BCAS3: variants seen among roughly 807,000 people sequenced by gnomAD.
BCAS3 encodes the protein BCAS3 microtubule associated cell migration factor.
BCAS3 carries 53 observed loss-of-function variants against 116.1 expected under a neutral mutation model. That is an observed-to-expected ratio of 0.46 (90% CI 0.37 to 0.57). The LOEUF (loss-of-function observed/expected upper bound fraction) is 0.57, where lower values mean the gene tolerates loss of function less well. Among genes scored for constraint, BCAS3 ranks in the 20% least tolerant of loss-of-function variants. The probability of loss-of-function intolerance (pLI) is 0.00; values close to 1 mark genes in which losing one functional copy is unlikely to be tolerated. For missense variants in BCAS3, 917 were observed against 1,165.4 expected (o/e 0.79, Z 3.10); for synonymous variants, 391 against 408.2 (o/e 0.96, Z 0.51).
rs894451615 is a variant in BCAS3 at position 61,095,331 on chromosome 17, A to G, written c.2425+10767A>G. On this transcript the variant is annotated intron_variant, in intron 22 of 23. Transcript: ENST00000407086. The surrounding 1 kb of genome is among the most constrained non-coding windows in gnomAD (Gnocchi z 4.7). ...CTTTCTGTTTAGAAAATATTTTTATATAGAATGTAATTGATATTTCTACAT... is the reference window on the plus strand; with the variant it reads ...CTTTCTGTTTAGAAAATATTTTTATGTAGAATGTAATTGATATTTCTACAT... Among the ~76,000 whole-genome samples the G allele has an allele frequency of 1.8e-4, 28 of 152,344 alleles. No homozygotes were observed. The highest frequency in any genetic ancestry group is 6.3e-4 in the African/African-American group (26 of 41,592).
chr17:60,863,769 C>T (rs1349073996), intron 7 of BCAS3, among the ~76,000 whole-genome samples: 1 of 151,954 alleles, frequency 6.6e-6, no homozygotes, highest in Non-Finnish European at 1.5e-5. Flanking sequence ...GGTATGTTTA[C>T]ACTATACTAT....
At chr17:61,062,326 C>T (rs2070141236) in intron 19 of BCAS3, among the ~76,000 whole-genome samples, 2 of 152,124 alleles carry the variant, frequency 1.3e-5, no homozygotes, top group Admixed American at 6.5e-5. Context: ...TTCTATACTC[C>T]TGTAAAGGTA....
intron 7 of BCAS3, among the ~76,000 whole-genome samples, chr17:60,845,810 TCTTTCA>T (rs2052471410): frequency 6.6e-6 from 1 of 151,096 alleles, no homozygotes; most frequent in African/African-American, 2.4e-5. Flanking sequence ...TCTCTCTCTC[TCTTTCA>T]CAAAGTCTCA....
chr17:61,045,861 A>C lies in BCAS3; in HGVS notation c.2029+4969A>C, dbSNP rs1427335559. Among the ~76,000 whole-genome samples, 49 of 6,194 alleles carry C rather than the reference A, an allele frequency of 7.9e-3. 3 individuals carry two copies. Among genetic ancestry groups the C allele is most frequent in the African/African-American group, 0.055 (29 of 528 alleles). The allele number at this position is 6,194 out of a possible 152,430, so 4.1% of individuals were successfully genotyped here. A position where few individuals can be genotyped will look rare whatever the true frequency, so the allele number is the denominator to read the frequency against. ...TCTCTCTCTCTCTCTATATATATAT[A>C]TATAAATATATATAAATATATATTA... On this transcript the variant is annotated intron_variant, in intron 19 of 23. Coordinates refer to ENST00000407086, the MANE Select transcript of BCAS3 (RefSeq NM_017679.5).
At chr17:60,887,747 G>A (rs1226302713) in intron 9 of BCAS3, among the ~76,000 whole-genome samples, 3 of 152,140 alleles carry the variant, frequency 2.0e-5, no homozygotes, top group Admixed American at 1.3e-4. Flanking sequence ...GTATCACAGA[G>A]AGCAGTTCAG....
At chr17:61,202,133 A>AT (rs376323897) in intron 22 of BCAS3, among the ~76,000 whole-genome samples, 54,201 of 82,648 alleles carry the variant, frequency 0.66, 18,401 homozygotes, top group South Asian at 0.82. Context: ...AAAGGTGGTG[A>AT]TTTTTTTTTT....
intron 15 of BCAS3, among the ~76,000 whole-genome samples, chr17:61,002,395 C>G (rs948924897): frequency 2.0e-5 from 3 of 151,906 alleles, no homozygotes; most frequent in African/African-American, 7.3e-5. Context: ...TTTACATGGG[C>G]AAATCATAAA....
rs111754815 is a variant in BCAS3 at position 61,144,220 on chromosome 17, A to T, written c.2425+59656A>T. 2.3e-3 allele frequency among the ~76,000 whole-genome samples: 356 copies of T among 151,686 alleles called. 1 individual carries two copies. The highest frequency in any genetic ancestry group is 8.3e-3 in the African/African-American group (343 of 41,372). On this transcript the variant is annotated intron_variant, in intron 22 of 23. Transcript: ENST00000407086. This position sits in a 1 kb window ranked among gnomAD's most constrained non-coding sequence, Gnocchi z 5.0. ...ATTTTGGAGCATGGATTTTTTTTTT[A>T]AGGAGGGTTATAGTATCCTGAAGAC...
At chr17:61,054,412 G>T (rs2069170337) in intron 19 of BCAS3, among the ~76,000 whole-genome samples, 1 of 152,128 alleles carries the variant, frequency 6.6e-6, no homozygotes, top group South Asian at 2.1e-4. Flanking sequence ...TTGCCCCCAG[G>T]CTGGAGTGCC....
At chr17:60,872,466 A>ATATATATCTGTATG (rs201785691) in intron 8 of BCAS3, among the ~76,000 whole-genome samples, 3 of 149,976 alleles carry the variant, frequency 2.0e-5, no homozygotes, top group African/African-American at 7.4e-5. Context: ...CACACACCCC[A>ATATATATCTGTATG]TATATATCTG....
intron 22 of BCAS3, among the ~76,000 whole-genome samples, chr17:61,129,730 C>T (rs944383965): frequency 1.3e-5 from 2 of 152,202 alleles, no homozygotes; most frequent in African/African-American, 4.8e-5. Flanking sequence ...GTTTCAGAAC[C>T]ATTGTTTGAC....
chr17:60,877,558 C>T (rs2055730252), intron 9 of BCAS3, among the ~76,000 whole-genome samples: 1 of 152,146 alleles, frequency 6.6e-6, no homozygotes, highest in Admixed American at 6.6e-5. Flanking sequence ...ATACTTCCAC[C>T]TGAATTGCTG....
At chr17:61,360,722 A>T (rs1273040770) in intron 22 of BCAS3, among the ~76,000 whole-genome samples, 1 of 152,184 alleles carries the variant, frequency 6.6e-6, no homozygotes, top group South Asian at 2.1e-4. Context: ...CCTTAATTAC[A>T]TTTGCAAGGA....
chr17:60,942,639 C>T (rs890296493), intron 13 of BCAS3, among the ~76,000 whole-genome samples: 11 of 151,734 alleles, frequency 7.2e-5, no homozygotes, highest in African/African-American at 2.7e-4. Flanking sequence ...TTGGAAATAG[C>T]CAGGACAGTG....
intron 14 of BCAS3, among the ~76,000 whole-genome samples, chr17:60,953,826 C>T (rs958808629): frequency 4.0e-5 from 6 of 151,658 alleles, no homozygotes; most frequent in East Asian, 1.9e-4. Context: ...CTCTGCCTCC[C>T]GAGTTCAGGC....
At chr17:61,000,161 G>C (rs1373359050) in intron 15 of BCAS3, among the ~76,000 whole-genome samples, 1 of 151,214 alleles carries the variant, frequency 6.6e-6, no homozygotes, top group Non-Finnish European at 1.5e-5. Flanking sequence ...ACTTATAGTA[G>C]TACTATGTTG....
At chr17:60,815,022 T>C (rs1246964545) in intron 7 of BCAS3, among the ~76,000 whole-genome samples, 1 of 152,168 alleles carries the variant, frequency 6.6e-6, no homozygotes, top group African/African-American at 2.4e-5. Context: ...CTATTTACAA[T>C]AGCAAATACT....
chr17:60,829,303 G>A (rs1363250439), intron 7 of BCAS3, among the ~76,000 whole-genome samples: 6 of 151,944 alleles, frequency 3.9e-5, no homozygotes, highest in South Asian at 2.1e-4. Context: ...GACCAGCCTG[G>A]CCAACATGGT....
chr17:60,845,165 G>T (rs1288842601), intron 7 of BCAS3, among the ~76,000 whole-genome samples: 2 of 152,190 alleles, frequency 1.3e-5, no homozygotes, highest in East Asian at 1.9e-4. Flanking sequence ...GGAGGCAGAG[G>T]TTGCAGTGAG....
Sources: gnomAD v4.1 joint callset for allele counts (sites outside exome capture counted in the v4.1 genomes callset) on GRCh38, gnomAD v4.1.1 for gene constraint, Gnocchi (gnomAD v3.1) non-coding constraint, MANE v1.5 for transcripts, NCBI Gene and HGNC (gene_info 2026-07-23, HGNC 2026-07-21) for gene names.